ABI3BP: variants seen among roughly 807,000 people sequenced by gnomAD.
The protein encoded by ABI3BP is ABI family member 3 binding protein.
In ABI3BP, 216 loss-of-function variants were observed where a neutral mutation model predicts 268.6. The ratio of observed to expected loss-of-function variants is 0.80; its 90% CI spans 0.72 to 0.90. The LOEUF (loss-of-function observed/expected upper bound fraction) is 0.90. ABI3BP is among the 40% of genes least tolerant of loss of function. ABI3BP has a pLI of 0.00. For missense variants in ABI3BP, 2,090 were observed against 2,182.4 expected, an observed-to-expected ratio of 0.96 and a Z score of 0.84; for synonymous variants, 730 against 730.0, an observed-to-expected ratio of 1.00 and a Z score of 0.00.
chr3:100,935,077 C>T (rs1169682014), intron 1 of ABI3BP, among the ~76,000 whole-genome samples: 2 of 152,108 alleles, frequency 1.3e-5, no homozygotes, highest in Admixed American at 6.6e-5. Context: ...AATCGTATTG[C>T]CTAGGTTTTC....
chr3:100,776,555 G>T (rs1167610191), intron 59 of ABI3BP, among the ~76,000 whole-genome samples: 2 of 152,190 alleles, frequency 1.3e-5, no homozygotes. Context: ...ACAGACACAT[G>T]TGAGAGAGCC....
At chr3:100,754,759 T>G (rs1462909696) in intron 63 of ABI3BP, 68 bp from the exon 64 acceptor site, 2 of 1,258,346 alleles carry the variant, frequency 1.6e-6, no homozygotes, top group Admixed American at 4.0e-5. Context: ...CATTGCCCTA[T>G]TATACGGACA....
intron 1 of ABI3BP, among the ~76,000 whole-genome samples, chr3:100,970,756 T>C (rs367721041): frequency 6.6e-6 from 1 of 152,150 alleles, no homozygotes; most frequent in Admixed American, 6.5e-5. Context: ...TTCTTCTGTC[T>C]TTGCAGCACC....
chr3:100,848,276 C>CA (rs2098797304), intron 18 of ABI3BP, among the ~76,000 whole-genome samples: 1 of 151,960 alleles, frequency 6.6e-6, no homozygotes, highest in Non-Finnish European at 1.5e-5. Context: ...ACATGCACAC[C>CA]AAAAAACGAA....
chr3:100,877,890 T>C (rs1435779291), intron 6 of ABI3BP, among the ~76,000 whole-genome samples: 1 of 152,188 alleles, frequency 6.6e-6, no homozygotes, highest in Non-Finnish European at 1.5e-5. Context: ...CTTTGTGACA[T>C]ACTACCATTT....
At chr3:100,974,429 G>T (rs908014720) in intron 1 of ABI3BP, among the ~76,000 whole-genome samples, 8 of 152,126 alleles carry the variant, frequency 5.3e-5, no homozygotes, top group African/African-American at 1.7e-4. Context: ...AGTAAAAGGA[G>T]CTAACTATTA....
At chr3:100,752,120 A>G (rs778296285) in intron 66 of ABI3BP, among the ~76,000 whole-genome samples, 1 of 152,230 alleles carries the variant, frequency 6.6e-6, no homozygotes, top group Non-Finnish European at 1.5e-5. Context: ...AGTGCTAACT[A>G]ACTTTTTAGA....
chr3:100,908,739 T>C (rs2054765902), intron 2 of ABI3BP, among the ~76,000 whole-genome samples: 1 of 152,164 alleles, frequency 6.6e-6, no homozygotes, highest in Non-Finnish European at 1.5e-5. Flanking sequence ...TACAAACCAC[T>C]GCTCAAGGAA....
At chr3:100,872,162 T>C (rs973309) in intron 9 of ABI3BP, among the ~76,000 whole-genome samples, 93,361 of 152,078 alleles carry the variant, frequency 0.61, 28,867 homozygotes, top group Admixed American at 0.65. Flanking sequence ...CAATTTAAGA[T>C]AGGCACTTCC....
chr3:100,891,133 C>A (rs899050756), intron 4 of ABI3BP, among the ~76,000 whole-genome samples: 1 of 152,118 alleles, frequency 6.6e-6, no homozygotes. Flanking sequence ...ATTTTCCTAA[C>A]TCAACAGTAG....
rs141991813 is a variant in ABI3BP, at chr3:100,983,800, C to T, written c.79+9506G>A. ...ATTCTTAAAAATCACAGTCACAGCT[C>T]CTCAGATCTGGCTTCTGAGAGTAGC... is the stretch of plus-strand genomic sequence containing the variant. On this transcript the variant is annotated intron_variant, in intron 1 of 67. Transcript: ENST00000471714. 7.6e-3 allele frequency among the ~76,000 whole-genome samples: 1,158 copies of T among 152,226 alleles called. 11 individuals carry two copies. The highest frequency in any genetic ancestry group is 0.025 in the African/African-American group (1,058 of 41,538).
intron 15 of ABI3BP, among the ~76,000 whole-genome samples, chr3:100,851,569 C>G (rs1175209484): frequency 6.6e-6 from 1 of 152,194 alleles, no homozygotes. Flanking sequence ...AGACAAAACC[C>G]TCTAGAAACT....
intron 12 of ABI3BP, 133 bp from the exon 13 acceptor site, chr3:100,863,042 T>C: frequency 1.6e-6 from 1 of 624,628 alleles, no homozygotes; most frequent in South Asian, 2.0e-5. Context: ...TAGTAGTATT[T>C]CTTACATCTA....
chr3:100,749,195 G>A lies in ABI3BP; in HGVS notation c.*1300C>T, dbSNP rs2095183298. On this transcript the variant is annotated 3_prime_UTR_variant, in exon 68 of 68. Coordinates refer to ENST00000471714, the MANE Select transcript of ABI3BP (RefSeq NM_001375547.2). ...ACTTTATTACTTCATAGGATGAAAG[G>A]TTAATTTAGGACATAAACAAACAGT... The A allele has an allele frequency of 6.2e-6, 1 of 160,688 alleles. No homozygotes were observed. The highest frequency in any genetic ancestry group is 1.4e-5 in the Non-Finnish European group (1 of 73,924). The allele number at this position is 160,688 out of a possible 1,614,324, so 10.0% of individuals were successfully genotyped here.
intron 39 of ABI3BP, among the ~76,000 whole-genome samples, chr3:100,820,647 GTCAA>G (rs1227399429): frequency 2.0e-5 from 3 of 152,170 alleles, no homozygotes; most frequent in Admixed American, 2.0e-4. Context: ...TAATGAAAAT[GTCAA>G]TCAGAGAATA....
chr3:100,757,889 G>C (rs1024920009), intron 63 of ABI3BP, among the ~76,000 whole-genome samples: 1 of 152,104 alleles, frequency 6.6e-6, no homozygotes, highest in Non-Finnish European at 1.5e-5. Context: ...ATGCTTTTGT[G>C]ATAATTTAAT....
chr3:100,787,215 T>C (rs1503839), intron 57 of ABI3BP, among the ~76,000 whole-genome samples: 44,857 of 152,014 alleles, frequency 0.3, 7,204 homozygotes, highest in East Asian at 0.64. Flanking sequence ...TTATTTAAGA[T>C]GAATGATTTG....
chr3:100,791,089 A>G (rs1272969843), intron 55 of ABI3BP, among the ~76,000 whole-genome samples: 4 of 151,910 alleles, frequency 2.6e-5, no homozygotes, highest in Non-Finnish European at 4.4e-5. Flanking sequence ...TTTCAATTTT[A>G]AACATAGTAC....
intron 45 of ABI3BP, 83 bp from the exon 46 acceptor site, chr3:100,812,606 C>T (rs1196395270): frequency 2.4e-6 from 2 of 838,450 alleles, no homozygotes; most frequent in Non-Finnish European, 3.2e-6. Flanking sequence ...AGTAAGTGTT[C>T]AATGTTAACT....
Sources: gnomAD v4.1 joint callset for allele counts (sites outside exome capture counted in the v4.1 genomes callset) on GRCh38, gnomAD v4.1.1 for gene constraint, MANE v1.5 for transcripts, NCBI Gene and HGNC (gene_info 2026-07-23, HGNC 2026-07-21) for gene names.